The following LARGE1 variants were observed in gnomAD, a reference collection of about 807,000 sequenced individuals.
LARGE1 encodes the protein LARGE xylosyl- and glucuronyltransferase 1.
Under a neutral mutation model 87.6 loss-of-function variants are expected in LARGE1, and 43 were observed. The observed-to-expected ratio is 0.49, with a 90% CI of 0.38 to 0.63. The LOEUF (loss-of-function observed/expected upper bound fraction) is 0.63, where lower values mean the gene tolerates loss of function less well. Ranked by LOEUF, LARGE1 falls within the 30% of genes least tolerant of loss-of-function variation. LARGE1 has a pLI of 0.00. For missense variants in LARGE1, 802 were observed against 1,000.2 expected, an observed-to-expected ratio of 0.80 and a Z score of 2.67; for synonymous variants, 434 against 394.6, an observed-to-expected ratio of 1.10 and a Z score of -1.18.
chr22:33,703,969 C>G (rs1307433146), intron 2 of LARGE1, among the ~76,000 whole-genome samples: 5 of 152,128 alleles, frequency 3.3e-5, no homozygotes, highest in African/African-American at 1.2e-4. Flanking sequence ...AGGCTCAGGC[C>G]AAGTCATGGG....
intron 1 of LARGE1, among the ~76,000 whole-genome samples, chr22:33,839,074 A>T (rs539047237): frequency 6.6e-6 from 1 of 152,378 alleles, no homozygotes; most frequent in Admixed American, 6.5e-5. Context: ...ATCGCTAGAA[A>T]GAAATTCCTG....
chr22:33,311,963 C>T (rs986596738), intron 11 of LARGE1, among the ~76,000 whole-genome samples: 4 of 152,260 alleles, frequency 2.6e-5, no homozygotes, highest in South Asian at 2.1e-4. Context: ...GATTTGAACC[C>T]GGAGCTCTCT....
chr22:33,592,910 G>C (rs1235129651), intron 5 of LARGE1, among the ~76,000 whole-genome samples: 2 of 152,122 alleles, frequency 1.3e-5, no homozygotes, highest in Non-Finnish European at 2.9e-5. Flanking sequence ...CGTGACCTTG[G>C]CTCACTGCAA....
At chr22:33,815,121 G>A (rs556257818) in intron 1 of LARGE1, among the ~76,000 whole-genome samples, 55 of 152,294 alleles carry the variant, frequency 3.6e-4, no homozygotes, top group Non-Finnish European at 5.0e-4. Flanking sequence ...ACAGTCCAAG[G>A]AAGATGCAAG....
chr22:33,447,849 C>G (rs1260802364), intron 6 of LARGE1, among the ~76,000 whole-genome samples: 1 of 152,034 alleles, frequency 6.6e-6, no homozygotes, highest in Non-Finnish European at 1.5e-5. Context: ...CATGCACACT[C>G]TGGAGCTGGT....
chr22:33,623,367 A>G (rs2079816186), intron 4 of LARGE1, among the ~76,000 whole-genome samples: 1 of 152,224 alleles, frequency 6.6e-6, no homozygotes, highest in Non-Finnish European at 1.5e-5. Context: ...CAGTAGGTCA[A>G]GCCCCATTTG....
chr22:33,446,602 G>A (rs2067694597), intron 6 of LARGE1, among the ~76,000 whole-genome samples: 1 of 152,336 alleles, frequency 6.6e-6, no homozygotes, highest in African/African-American at 2.4e-5. Context: ...CACCTCTGCA[G>A]GGACTCAAGG....
In LARGE1 at chr22:33,283,733, C is replaced by T. The variant is rs537295061; in HGVS notation, c.1731-385G>A. On this transcript the variant is annotated intron_variant, in intron 12 of 14. Coordinates refer to ENST00000397394, the MANE Select transcript of LARGE1 (RefSeq NM_133642.5). Reference sequence around the variant, plus strand: ...CAGAGGTTGCAATGAGCTGAGATTACGCCATTGCACTCCAGCCTGGGTGAC... The same window carrying T: ...CAGAGGTTGCAATGAGCTGAGATTATGCCATTGCACTCCAGCCTGGGTGAC... Among the ~76,000 whole-genome samples the T allele has an allele frequency of 5.5e-4, 82 of 147,816 alleles. 1 individual carries two copies. The South Asian group carries it at 5.7e-3, about 10-fold the overall frequency.
chr22:33,303,600 A>G (rs1009354346), intron 12 of LARGE1, among the ~76,000 whole-genome samples: 1 of 152,116 alleles, frequency 6.6e-6, no homozygotes, highest in African/African-American at 2.4e-5. Context: ...AAACCAGAAG[A>G]AGGAGGGTAT....
chr22:33,900,940 G>T (rs951776878), intron 1 of LARGE1, among the ~76,000 whole-genome samples: 2 of 152,146 alleles, frequency 1.3e-5, no homozygotes, highest in Non-Finnish European at 2.9e-5. Context: ...CCACCTACTC[G>T]GGAGGCTGAG....
chr22:33,500,893 C>G (rs1320499971), intron 6 of LARGE1, among the ~76,000 whole-genome samples: 1 of 152,154 alleles, frequency 6.6e-6, no homozygotes, highest in Non-Finnish European at 1.5e-5. Flanking sequence ...GGATTGCTAG[C>G]CCCAGAAGAA....
chr22:33,512,607 A>G (rs557710432), intron 6 of LARGE1, among the ~76,000 whole-genome samples: 147 of 152,256 alleles, frequency 9.7e-4, no homozygotes, highest in African/African-American at 3.4e-3. Context: ...GTTCGAGACC[A>G]GCCTGGCCAA....
At chr22:33,516,760 A>G (rs921631145) in intron 6 of LARGE1, among the ~76,000 whole-genome samples, 9 of 151,844 alleles carry the variant, frequency 5.9e-5, no homozygotes, top group Non-Finnish European at 8.8e-5. Flanking sequence ...TGGCTAATTT[A>G]TTTTTAGTAG....
At chr22:33,394,134 T>C (rs2147239215) in intron 7 of LARGE1, among the ~76,000 whole-genome samples, 1 of 149,466 alleles carries the variant, frequency 6.7e-6, no homozygotes, top group African/African-American at 2.4e-5. Flanking sequence ...TGATAATACC[T>C]ACTATTTATC....
At chr22:33,450,892 G>C (rs2067888701) in intron 6 of LARGE1, among the ~76,000 whole-genome samples, 1 of 152,228 alleles carries the variant, frequency 6.6e-6, no homozygotes, top group Non-Finnish European at 1.5e-5. Context: ...ACGGATCCTG[G>C]CTTTGTTTAG....
the LARGE1 span, among the ~76,000 whole-genome samples, chr22:33,089,362 T>TCTTCTTCTTCTTCTTCTC: frequency 3.8e-5 from 3 of 77,990 alleles, no homozygotes; most frequent in Non-Finnish European, 7.8e-5. Context: ...TTCTTCTTCT[T>TCTTCTTCTTCTTCTTCTC]CTTCTTCTCC....
At chr22:33,747,011 T>TAA (rs1055404468) in intron 2 of LARGE1, among the ~76,000 whole-genome samples, 32 of 152,272 alleles carry the variant, frequency 2.1e-4, no homozygotes, top group African/African-American at 7.7e-4. Flanking sequence ...GCTGTCTTGT[T>TAA]CATTAAGTGC....
intron 5 of LARGE1, among the ~76,000 whole-genome samples, chr22:33,574,685 AT>A: frequency 8.4e-6 from 1 of 119,248 alleles, no homozygotes; most frequent in South Asian, 3.7e-4. Flanking sequence ...GATATAAACA[AT>A]TGTGTGTGTG....
rs375368162 is a variant in LARGE1, at chr22:33,428,943, C to CA, written c.892+3217dup. Among the ~76,000 whole-genome samples, 480 of 76,968 alleles carry CA rather than the reference C, an allele frequency of 6.2e-3. 9 individuals carry two copies. The East Asian group carries it at 0.073, about 12-fold the overall frequency. 50.5% of individuals were successfully genotyped at this position (76,968 alleles called of 152,430 possible). A position where few individuals can be genotyped will look rare whatever the true frequency, so the allele number is the denominator to read the frequency against. ...AGACTCTGTCTCAAAAAAAAAGAAA[C>CA]AAAAAAAAAAAAAAAAAAGGAGAGA... On this transcript the variant is annotated intron_variant, in intron 7 of 14. Coordinates refer to ENST00000397394, the MANE Select transcript of LARGE1 (RefSeq NM_133642.5).
Sources: allele counts gnomAD v4.1 joint callset (sites outside exome capture counted in the v4.1 genomes callset), GRCh38; gene constraint gnomAD v4.1.1; transcripts MANE v1.5; gene names NCBI Gene and HGNC (gene_info 2026-07-23, HGNC 2026-07-21).